Variants in FMN2 observed in about 807,000 individuals in gnomAD.
FMN2 encodes formin-2.
FMN2 carries 51 observed loss-of-function variants against 142.3 expected under a neutral mutation model. That is an observed-to-expected ratio of 0.36 (90% CI 0.29 to 0.45). The LOEUF (loss-of-function observed/expected upper bound fraction) is 0.45. Ranked by LOEUF, FMN2 falls within the 20% of genes least tolerant of loss-of-function variation. The pLI is 1.00. For synonymous variants in FMN2, 882 were observed against 869.8 expected (o/e 1.01, Z -0.25); for missense variants, 1,936 against 2,122.8 (o/e 0.91, Z 1.73).
chr1:240,319,248 A>T (rs902728934), intron 8 of FMN2, among the ~76,000 whole-genome samples: 2 of 152,216 alleles, frequency 1.3e-5, no homozygotes, highest in Non-Finnish European at 2.9e-5. Context: ...ACATAAAAGT[A>T]TCAGGAGTGA....
chr1:240,369,713 A>G (rs951999114), intron 14 of FMN2, among the ~76,000 whole-genome samples: 3 of 152,066 alleles, frequency 2.0e-5, no homozygotes, highest in African/African-American at 7.2e-5. Flanking sequence ...TGACAACTCT[A>G]CTCGGGTCCA....
At chr1:240,407,785 G>T (rs188487281) in intron 15 of FMN2, among the ~76,000 whole-genome samples, 1 of 152,026 alleles carries the variant, frequency 6.6e-6, no homozygotes, top group Non-Finnish European at 1.5e-5. Flanking sequence ...AGCCCATTTG[G>T]GTGAGACCAA....
At chr1:240,340,783 T>C (rs1051018491) in intron 13 of FMN2, among the ~76,000 whole-genome samples, 5 of 152,200 alleles carry the variant, frequency 3.3e-5, no homozygotes, top group African/African-American at 1.2e-4. Flanking sequence ...TCCTTATTCA[T>C]TTTTGGCTTT....
rs1054964086 is a variant in FMN2, at chr1:240,135,759, A to G, written c.1782+12414A>G. ...CAGTGGTGCGATCTCGGCTCACTGC[A>G]GCCTCCGCCTCCTGGGTTCAAGCGA... On this transcript the variant is annotated intron_variant, in intron 2 of 17. Coordinates refer to ENST00000319653, the MANE Select transcript of FMN2 (RefSeq NM_020066.5). 3.4e-5 allele frequency among the ~76,000 whole-genome samples: 5 copies of G among 148,744 alleles called. No homozygotes were observed. In the East Asian group the frequency reaches 1.0e-3, roughly 30 times the overall value.
At chr1:240,374,002 TAGC>T (rs1297151097) in intron 14 of FMN2, among the ~76,000 whole-genome samples, 1 of 152,236 alleles carries the variant, frequency 6.6e-6, no homozygotes, top group Non-Finnish European at 1.5e-5. Flanking sequence ...GATGTTGTAT[TAGC>T]AGGCATGAAA....
At chr1:240,177,703 T>C (rs1664976397) in intron 2 of FMN2, 1 of 340,846 alleles carries the variant, frequency 2.9e-6, no homozygotes, top group Non-Finnish European at 5.2e-6. Context: ...AGAAATGAAG[T>C]TGAGGCAAAT....
intron 14 of FMN2, among the ~76,000 whole-genome samples, chr1:240,369,601 C>T (rs1672795240): frequency 6.6e-6 from 1 of 152,064 alleles, no homozygotes; most frequent in Admixed American, 6.6e-5. Context: ...TATATCAAGC[C>T]TGTTTTTTAG....
chr1:240,095,183 G>A, intron 1 of FMN2, among the ~76,000 whole-genome samples: 1 of 152,004 alleles, frequency 6.6e-6, no homozygotes, highest in East Asian at 1.9e-4. Context: ...ATTTAATGTT[G>A]GTAAGAAATC....
intron 14 of FMN2, among the ~76,000 whole-genome samples, chr1:240,370,489 A>G (rs931307588): frequency 6.6e-6 from 1 of 152,174 alleles, no homozygotes. Context: ...TGGTAAAAAC[A>G]TGTGTGTATG....
chr1:240,167,144 CAAAAA>C (rs1046282066), intron 2 of FMN2, among the ~76,000 whole-genome samples: 1 of 151,108 alleles, frequency 6.6e-6, no homozygotes, highest in Non-Finnish European at 1.5e-5. Flanking sequence ...TAACAAAAAA[CAAAAA>C]AAACCAAAAG....
In FMN2 at chr1:240,329,320, C is replaced by T. The variant is rs1303210270; in HGVS notation, c.4308-19C>T. ...ATGTGAATTATATTTTTCTTCTTAA[C>T]TTGGCTTTATTTCCTTAGGTTCCTT... On this transcript the variant is annotated intron_variant, in intron 9 of 17. Coordinates refer to ENST00000319653, the MANE Select transcript of FMN2 (RefSeq NM_020066.5). 2.5e-6 allele frequency: 4 copies of T among 1,607,146 alleles called. No individual in the cohort carries two copies. The highest frequency in any genetic ancestry group is 3.4e-6 in the Non-Finnish European group (4 of 1,177,998).
intron 15 of FMN2, among the ~76,000 whole-genome samples, chr1:240,420,678 G>C (rs571236908): frequency 6.6e-6 from 1 of 152,152 alleles, no homozygotes; most frequent in African/African-American, 2.4e-5. Context: ...AGCTGGTGTG[G>C]ACACCAGGAT....
chr1:240,259,446 G>A (rs372158901), intron 7 of FMN2, among the ~76,000 whole-genome samples: 1 of 151,188 alleles, frequency 6.6e-6, no homozygotes, highest in East Asian at 2.0e-4. Flanking sequence ...ATCCCATTAG[G>A]ATGTGAAGTG....
chr1:240,162,267 C>T (rs545375329), intron 2 of FMN2, among the ~76,000 whole-genome samples: 4 of 152,052 alleles, frequency 2.6e-5, no homozygotes, highest in African/African-American at 9.7e-5. Context: ...AGTTCGAGAC[C>T]AGCCTGACCA....
chr1:240,430,678 C>T (rs779038827), intron 15 of FMN2, among the ~76,000 whole-genome samples: 18 of 146,380 alleles, frequency 1.2e-4, no homozygotes, highest in Non-Finnish European at 2.5e-4. Flanking sequence ...GATTTTTTTT[C>T]CAAACAGATA....
chr1:240,135,939 A>C (rs1378659470), intron 2 of FMN2, among the ~76,000 whole-genome samples: 2 of 150,884 alleles, frequency 1.3e-5, no homozygotes, highest in African/African-American at 4.9e-5. Context: ...CCGGCCTCCC[A>C]AAGTGCTGGG....
chr1:240,294,770 A>G (rs753737760), intron 7 of FMN2, 52 bp from the exon 8 acceptor site: 11 of 1,565,340 alleles, frequency 7.0e-6, no homozygotes, highest in Middle Eastern at 1.7e-4. Context: ...ATGGTCAAAC[A>G]TCTTTTCACA....
At chr1:240,266,071 G>A (rs1431032051) in intron 7 of FMN2, among the ~76,000 whole-genome samples, 1 of 147,572 alleles carries the variant, frequency 6.8e-6, no homozygotes, top group Non-Finnish European at 1.5e-5. Flanking sequence ...AGGGGTACAT[G>A]TGTAGGTTTG....
intron 15 of FMN2, among the ~76,000 whole-genome samples, chr1:240,436,497 C>T (rs10926255): frequency 0.49 from 74,046 of 151,786 alleles, 21,390 homozygotes; most frequent in Non-Finnish European, 0.65. Context: ...CCTGAGCAAA[C>T]TCACCTTAAA....
Sources: allele counts gnomAD v4.1 joint callset (sites outside exome capture counted in the v4.1 genomes callset), GRCh38; gene constraint gnomAD v4.1.1; transcripts MANE v1.5; gene names NCBI Gene and HGNC (gene_info 2026-07-23, HGNC 2026-07-21).